Variants in SORCS2 observed in about 807,000 individuals in gnomAD.
SORCS2 encodes the protein sortilin related VPS10 domain containing receptor 2, also known as VPS10 domain-containing receptor SorCS2.
Under a neutral mutation model 141.6 loss-of-function variants are expected in SORCS2, and 100 were observed. That is an observed-to-expected ratio of 0.71 (90% CI 0.60 to 0.83). The LOEUF (loss-of-function observed/expected upper bound fraction) is 0.83, where lower values mean the gene tolerates loss of function less well. SORCS2 is among the 40% of genes least tolerant of loss of function. The pLI, the probability that SORCS2 is intolerant of heterozygous loss-of-function variation, is 0.00. For synonymous variants in SORCS2, 789 were observed against 676.9 expected (o/e 1.17, Z -2.57); for missense variants, 1,646 against 1,560.2 (o/e 1.05, Z -0.93).
At chr4:7,721,311 C>G (rs1173790669) in intron 18 of SORCS2, among the ~76,000 whole-genome samples, 1 of 151,996 alleles carries the variant, frequency 6.6e-6, no homozygotes, top group African/African-American at 2.4e-5. Context: ...CTAAAAAAAA[C>G]AAAACTTAGC....
intron 3 of SORCS2, among the ~76,000 whole-genome samples, chr4:7,547,562 A>C (rs1713355293): frequency 6.6e-6 from 1 of 152,144 alleles, no homozygotes; most frequent in Admixed American, 6.5e-5. Flanking sequence ...CCATGCTCCG[A>C]CACATCTGGC....
intron 2 of SORCS2, among the ~76,000 whole-genome samples, chr4:7,498,196 A>T (rs1731749756): frequency 6.6e-6 from 1 of 152,112 alleles, no homozygotes; most frequent in Non-Finnish European, 1.5e-5. Context: ...GAGGTTGAGG[A>T]CATCAGTGAG....
chr4:7,622,215 A>T (rs1010005699), intron 3 of SORCS2, among the ~76,000 whole-genome samples: 2 of 152,106 alleles, frequency 1.3e-5, no homozygotes, highest in Non-Finnish European at 2.9e-5. Flanking sequence ...GACAGGGAGC[A>T]AGAAGGAGGA....
intron 1 of SORCS2, among the ~76,000 whole-genome samples, chr4:7,335,695 A>G (rs930778472): frequency 6.6e-6 from 1 of 152,246 alleles, no homozygotes. Context: ...ACTGCTCTCA[A>G]GAATGGCATT....
At chr4:7,405,357 G>C (rs777725108) in intron 2 of SORCS2, among the ~76,000 whole-genome samples, 1 of 152,040 alleles carries the variant, frequency 6.6e-6, no homozygotes, top group Non-Finnish European at 1.5e-5. Context: ...GGTTCCATTT[G>C]AATTTAGGGT....
At chr4:7,632,388 T>C (rs1468950655) in intron 3 of SORCS2, among the ~76,000 whole-genome samples, 1 of 152,190 alleles carries the variant, frequency 6.6e-6, no homozygotes, top group African/African-American at 2.4e-5. Flanking sequence ...TAGAGGCTGC[T>C]GCCCAATTTG....
At chr4:7,541,422 T>G (rs1712647117) in intron 3 of SORCS2, among the ~76,000 whole-genome samples, 1 of 152,222 alleles carries the variant, frequency 6.6e-6, no homozygotes. Context: ...TGTATGGACA[T>G]GCATTTGCAA....
intron 2 of SORCS2, among the ~76,000 whole-genome samples, chr4:7,399,512 C>T (rs1174652943): frequency 1.3e-5 from 2 of 152,180 alleles, no homozygotes; most frequent in Admixed American, 1.3e-4. Context: ...TCCTGGCTTC[C>T]CTGATGATCC....
intron 1 of SORCS2, among the ~76,000 whole-genome samples, chr4:7,238,458 T>G (rs1712450217): frequency 6.6e-6 from 1 of 152,202 alleles, no homozygotes; most frequent in African/African-American, 2.4e-5. Flanking sequence ...AGATGGCTGG[T>G]AGCAGCCTTA....
At chr4:7,597,850 G>C (rs1717388755) in intron 3 of SORCS2, among the ~76,000 whole-genome samples, 1 of 152,138 alleles carries the variant, frequency 6.6e-6, no homozygotes, top group African/African-American at 2.4e-5. Context: ...ACTGGTGAGG[G>C]AGGAGGGGTG....
intron 1 of SORCS2, among the ~76,000 whole-genome samples, chr4:7,242,382 T>G (rs1712762282): frequency 6.6e-6 from 1 of 151,864 alleles, no homozygotes; most frequent in Non-Finnish European, 1.5e-5. Flanking sequence ...AAATTTTATT[T>G]TTGTAGAGTT....
At chr4:7,552,052 A>G (rs1022137825) in intron 3 of SORCS2, among the ~76,000 whole-genome samples, 2 of 152,212 alleles carry the variant, frequency 1.3e-5, no homozygotes, top group African/African-American at 4.8e-5. Context: ...CCGAGATATG[A>G]ATCCTAATTG....
intron 1 of SORCS2, among the ~76,000 whole-genome samples, chr4:7,299,332 T>C (rs11726598): frequency 0.77 from 117,488 of 151,988 alleles, 47,459 homozygotes; most frequent in Non-Finnish European, 0.89. Context: ...TGAGCAGCAG[T>C]CCAGGGCCCT....
intron 2 of SORCS2, among the ~76,000 whole-genome samples, chr4:7,441,254 CT>C (rs779833763): frequency 6.6e-6 from 1 of 152,172 alleles, no homozygotes; most frequent in African/African-American, 2.4e-5. Context: ...CAAATACTGC[CT>C]TTGCAAAAGC....
intron 2 of SORCS2, among the ~76,000 whole-genome samples, chr4:7,408,460 C>G (rs769306057): frequency 5.3e-5 from 8 of 151,748 alleles, no homozygotes; most frequent in Non-Finnish European, 1.2e-4. Context: ...TTTGAGAAGT[C>G]TGTTGCCGGA....
In SORCS2 at chr4:7,467,202, T is replaced by G. The variant is rs60980333; in HGVS notation, c.549-64328T>G. 3.1e-3 allele frequency among the ~76,000 whole-genome samples: 470 copies of G among 152,300 alleles called. 2 individuals carry two copies. Among genetic ancestry groups the G allele is most frequent in the African/African-American group, 0.01 (436 of 41,562 alleles). On this transcript the variant is annotated intron_variant, in intron 2 of 26. Coordinates refer to ENST00000507866, the MANE Select transcript of SORCS2 (RefSeq NM_020777.3). ...TGTCCAGGAGGCAGCAAGGCCTGTG[T>G]GCTGCTGTTGGAAGCTGCCAGACAT...
intron 2 of SORCS2, among the ~76,000 whole-genome samples, chr4:7,415,720 G>T (rs1399575474): frequency 1.3e-5 from 2 of 152,238 alleles, no homozygotes; most frequent in Admixed American, 1.3e-4. Flanking sequence ...AGGCCTTGCT[G>T]GGGCACCAAG....
chr4:7,421,519 C>T (rs954876064), intron 2 of SORCS2, among the ~76,000 whole-genome samples: 16 of 152,284 alleles, frequency 1.1e-4, no homozygotes, highest in South Asian at 2.1e-4. Flanking sequence ...TTCTAGCCAG[C>T]GCCAGGGAAT....
At chr4:7,683,743 A>G (rs1723709430) in intron 10 of SORCS2, among the ~76,000 whole-genome samples, 1 of 152,202 alleles carries the variant, frequency 6.6e-6, no homozygotes, top group Non-Finnish European at 1.5e-5. Flanking sequence ...CAGAGTTCAG[A>G]CATCCTGAGC....
Sources: allele counts gnomAD v4.1 joint callset (sites outside exome capture counted in the v4.1 genomes callset), GRCh38; gene constraint gnomAD v4.1.1; transcripts MANE v1.5; gene names NCBI Gene and HGNC (gene_info 2026-07-23, HGNC 2026-07-21).